GNA14: variants seen among roughly 807,000 people sequenced by gnomAD.
The protein encoded by GNA14 is guanine nucleotide-binding protein subunit alpha-14.
Under a neutral mutation model 42.0 loss-of-function variants are expected in GNA14, and 50 were observed. That is an observed-to-expected ratio of 1.19 (90% CI 0.95 to 1.51). The LOEUF is 1.51. Among genes scored for constraint, GNA14 ranks in the 40% most tolerant of loss-of-function variants. The probability of loss-of-function intolerance (pLI) is 0.00; values close to 1 mark genes in which losing one functional copy is unlikely to be tolerated. For synonymous variants in GNA14, 173 were observed against 163.1 expected (o/e 1.06, Z -0.46); for missense variants, 473 against 446.2 (o/e 1.06, Z -0.54).
At chr9:77,448,351 A>C (rs1469722418) in intron 2 of GNA14, among the ~76,000 whole-genome samples, 2 of 152,184 alleles carry the variant, frequency 1.3e-5, no homozygotes, top group Non-Finnish European at 2.9e-5. Context: ...TTGAGTATCG[A>C]ATCATTCTGG....
At chr9:77,596,542 T>C (rs1393155559) in intron 1 of GNA14, among the ~76,000 whole-genome samples, 2 of 152,134 alleles carry the variant, frequency 1.3e-5, no homozygotes, top group Non-Finnish European at 2.9e-5. Flanking sequence ...TGGTGTGATA[T>C]GGCATAGACT....
intron 2 of GNA14, among the ~76,000 whole-genome samples, chr9:77,464,295 C>T (rs1836172513): frequency 6.6e-6 from 1 of 151,576 alleles, no homozygotes; most frequent in Admixed American, 6.6e-5. Flanking sequence ...GCCACCATGC[C>T]CGGCCATGTG....
intron 2 of GNA14, among the ~76,000 whole-genome samples, chr9:77,443,387 A>G (rs1835766800): frequency 6.6e-6 from 1 of 152,178 alleles, no homozygotes. Context: ...TAAGCTCAGC[A>G]GGGACTCACT....
chr9:77,647,072 C>A (rs1204813888), intron 1 of GNA14, among the ~76,000 whole-genome samples: 3 of 152,216 alleles, frequency 2.0e-5, no homozygotes, highest in African/African-American at 7.2e-5. Flanking sequence ...GGAGCAGCAA[C>A]GGCATGGGCT....
rs2118053950 is a variant in GNA14 at position 77,647,934 on chromosome 9, G to C, written c.-141C>G. ...GGGGCCGACTTGAGCTTTGGAGTAA[G>C]ACGCCTGGACCTCCGAGGCTCAATC... On this transcript the variant is annotated 5_prime_UTR_variant, in exon 1 of 7. Coordinates refer to ENST00000341700, the MANE Select transcript of GNA14 (RefSeq NM_004297.4). 1.1e-6 allele frequency: 1 copy of C among 946,826 alleles called. No individual in the cohort carries two copies. Among genetic ancestry groups the C allele is most frequent in the Middle Eastern group, 3.2e-4 (1 of 3,146 alleles). The allele number at this position is 946,826 out of a possible 1,614,324, so 58.7% of individuals were successfully genotyped here. A position where few individuals can be genotyped will look rare whatever the true frequency, so the allele number is the denominator to read the frequency against.
intron 1 of GNA14, among the ~76,000 whole-genome samples, chr9:77,624,008 C>T (rs1023218993): frequency 5.3e-5 from 8 of 152,172 alleles, no homozygotes; most frequent in East Asian, 1.9e-4. Context: ...CAGCAAGCTA[C>T]GTTCCACTGG....
intron 3 of GNA14, among the ~76,000 whole-genome samples, 181 bp downstream of exon 3, chr9:77,434,187 G>A (rs1013431949): frequency 2.0e-5 from 3 of 152,186 alleles, no homozygotes; most frequent in African/African-American, 4.8e-5. Context: ...CAGAGTGACC[G>A]AGGGCTTTAG....
chr9:77,558,082 C>A (rs962847260), intron 1 of GNA14, among the ~76,000 whole-genome samples: 1 of 152,054 alleles, frequency 6.6e-6, no homozygotes, highest in African/African-American at 2.4e-5. Context: ...AAAACATAAA[C>A]ATATTTAAAA....
chr9:77,554,239 T>C (rs1446998882), intron 1 of GNA14, among the ~76,000 whole-genome samples: 1 of 152,222 alleles, frequency 6.6e-6, no homozygotes, highest in Admixed American at 6.5e-5. Context: ...TGATTTGGAT[T>C]ATTTTTAAGC....
At chr9:77,616,989 C>G (rs971142331) in intron 1 of GNA14, among the ~76,000 whole-genome samples, 1 of 152,060 alleles carries the variant, frequency 6.6e-6, no homozygotes, top group Non-Finnish European at 1.5e-5. Context: ...CCTGCTTCAG[C>G]CTCCTGAGTC....
chr9:77,637,362 A>C (rs1824198434), intron 1 of GNA14, among the ~76,000 whole-genome samples: 1 of 152,182 alleles, frequency 6.6e-6, no homozygotes, highest in Non-Finnish European at 1.5e-5. Flanking sequence ...CACACTGAAA[A>C]GGGAAAAAAA....
intron 2 of GNA14, among the ~76,000 whole-genome samples, chr9:77,504,475 CA>C (rs1837029396): frequency 6.6e-6 from 1 of 151,462 alleles, no homozygotes; most frequent in African/African-American, 2.4e-5. Context: ...TACCATAACC[CA>C]GTTATCAGCC....
chr9:77,565,275 T>A (rs1254929953), intron 1 of GNA14, among the ~76,000 whole-genome samples: 1 of 152,198 alleles, frequency 6.6e-6, no homozygotes, highest in African/African-American at 2.4e-5. Flanking sequence ...CTGGTATGAA[T>A]TGAGATGTGC....
chr9:77,573,363 C>T (rs1185444839), intron 1 of GNA14, among the ~76,000 whole-genome samples: 7 of 152,026 alleles, frequency 4.6e-5, no homozygotes, highest in Non-Finnish European at 7.4e-5. Context: ...GCAGGAGAAT[C>T]GCTTGAACCC....
intron 1 of GNA14, among the ~76,000 whole-genome samples, chr9:77,611,082 A>C (rs528870909): frequency 6.6e-6 from 1 of 152,316 alleles, no homozygotes; most frequent in South Asian, 2.1e-4. Context: ...CATTCTAGTT[A>C]CATTTGTTTT....
chr9:77,572,043 G>A (rs2131796873), intron 1 of GNA14, among the ~76,000 whole-genome samples: 1 of 152,264 alleles, frequency 6.6e-6, no homozygotes, highest in African/African-American at 2.4e-5. Context: ...AAAGAGAGTG[G>A]TGGCTGAGAC....
At chr9:77,541,555 C>A (rs1438104387) in intron 1 of GNA14, among the ~76,000 whole-genome samples, 1 of 152,086 alleles carries the variant, frequency 6.6e-6, no homozygotes, top group South Asian at 2.1e-4. Context: ...CATCTTTGAG[C>A]CCCCTGTATC....
chr9:77,533,611 C>T (rs1280297717), intron 1 of GNA14, among the ~76,000 whole-genome samples: 3 of 152,162 alleles, frequency 2.0e-5, no homozygotes, highest in Non-Finnish European at 4.4e-5. Flanking sequence ...CTTAACGTCC[C>T]TTTCTCTGCG....
In GNA14 at chr9:77,644,437, C is replaced by CCAAAAAAAAAAAAAAAAAAAA. The variant is rs778013639; in HGVS notation, c.124+3232_124+3233insTTTTTTTTTTTTTTTTTTTTG. On this transcript the variant is annotated intron_variant, in intron 1 of 6. Transcript: ENST00000341700. ...TACTGAACTCCAACCTAAAGAGTGTCAAAAAAAAAAAAAAAAAAAAAAAAA... is the reference window on the plus strand; with the variant it reads ...TACTGAACTCCAACCTAAAGAGTGTCCAAAAAAAAAAAAAAAAAAAAAAAAAAAAAAAAAAAAAAAAAAAAA... Among the ~76,000 whole-genome samples, 26 of 34,020 alleles carry CCAAAAAAAAAAAAAAAAAAAA rather than the reference C, an allele frequency of 7.6e-4. 2 individuals carry two copies. Among genetic ancestry groups the CCAAAAAAAAAAAAAAAAAAAA allele is most frequent in the African/African-American group, 2.3e-3 (20 of 8,578 alleles). The allele number at this position is 34,020 out of a possible 152,430, so 22.3% of individuals were successfully genotyped here.
Sources: allele counts gnomAD v4.1 joint callset (sites outside exome capture counted in the v4.1 genomes callset), GRCh38; gene constraint gnomAD v4.1.1; transcripts MANE v1.5; gene names NCBI Gene and HGNC (gene_info 2026-07-23, HGNC 2026-07-21).